The following FER variants were observed in gnomAD, a reference collection of about 807,000 sequenced individuals.
The protein encoded by FER is tyrosine-protein kinase Fer.
In FER, 63 loss-of-function variants were observed where a neutral mutation model predicts 111.0. The ratio of observed to expected loss-of-function variants is 0.57; its 90% CI spans 0.46 to 0.70. The LOEUF (loss-of-function observed/expected upper bound fraction) is 0.70, where lower values mean the gene tolerates loss of function less well. FER is among the 30% of genes least tolerant of loss of function. FER has a pLI of 0.00. For synonymous variants in FER, 327 were observed against 313.9 expected, an observed-to-expected ratio of 1.04 and a Z score of -0.44; for missense variants, 914 against 954.0, an observed-to-expected ratio of 0.96 and a Z score of 0.55.
At chr5:109,125,678 A>C (rs754943763) in intron 17 of FER, among the ~76,000 whole-genome samples, 1 of 152,210 alleles carries the variant, frequency 6.6e-6, no homozygotes, top group African/African-American at 2.4e-5. Flanking sequence ...TAGTAGCAGT[A>C]TTGTTTCTGA....
At chr5:108,835,668 A>T (rs1486728914) in intron 4 of FER, 40 bp from the exon 5 acceptor site, 1 of 1,297,382 alleles carries the variant, frequency 7.7e-7, no homozygotes, top group Non-Finnish European at 1.1e-6. Context: ...ATTTAAATTT[A>T]AACAATTTAA....
In FER at chr5:108,806,045, A is replaced by G. The variant is rs543126168; in HGVS notation, c.207+7656A>G. On this transcript the variant is annotated intron_variant, in intron 3 of 19. Coordinates refer to ENST00000281092, the MANE Select transcript of FER (RefSeq NM_005246.4). ...AGGCCTGGAGGCCTAGGAGGAAAAC[A>G]TGGTATTGTGGGCCAAGCCCAGGGT... Among the ~76,000 whole-genome samples, 45 of 152,274 alleles carry G rather than the reference A, an allele frequency of 3.0e-4. No homozygotes were observed. The South Asian group carries it at 9.1e-3, about 31-fold the overall frequency.
At chr5:108,967,672 A>T (rs1760050027) in intron 13 of FER, among the ~76,000 whole-genome samples, 1 of 148,008 alleles carries the variant, frequency 6.8e-6, no homozygotes, top group African/African-American at 2.5e-5. Flanking sequence ...AGGCAGGAGA[A>T]TCGCTTGAAC....
intron 17 of FER, among the ~76,000 whole-genome samples, chr5:109,158,960 C>T (rs1755702376): frequency 6.6e-6 from 1 of 151,932 alleles, no homozygotes; most frequent in South Asian, 2.1e-4. Context: ...TAAATTCAGT[C>T]ATTAAAAAGA....
chr5:109,058,502 CTT>C (rs929805126), intron 16 of FER, among the ~76,000 whole-genome samples: 3 of 150,056 alleles, frequency 2.0e-5, no homozygotes, highest in Non-Finnish European at 3.0e-5. Flanking sequence ...TTCTACAAAA[CTT>C]AAAATTAATT....
rs571076803 is a variant in FER, at chr5:109,046,537, T to C, written c.1830-567T>C. 2.7e-4 allele frequency among the ~76,000 whole-genome samples: 41 copies of C among 152,240 alleles called. No homozygotes were observed. The South Asian group carries it at 7.7e-3, about 28-fold the overall frequency. On this transcript the variant is annotated intron_variant, in intron 15 of 19. Coordinates refer to ENST00000281092, the MANE Select transcript of FER (RefSeq NM_005246.4). ...GTAGATAATAATTTTTAAAAGAATA[T>C]TAAATTAAGGAGAATTGACTCATTT...
chr5:108,937,693 A>C (rs1034252752), intron 10 of FER, among the ~76,000 whole-genome samples: 3 of 151,820 alleles, frequency 2.0e-5, no homozygotes, highest in Non-Finnish European at 4.4e-5. Flanking sequence ...ATACATGGTC[A>C]ATAGAGTGGA....
chr5:109,043,975 A>C, intron 14 of FER, among the ~76,000 whole-genome samples: 1 of 152,094 alleles, frequency 6.6e-6, no homozygotes, highest in East Asian at 1.9e-4. Context: ...GTCTCAGAAA[A>C]AAAAAGAAAA....
At chr5:108,970,275 G>T (rs1760460328) in intron 13 of FER, among the ~76,000 whole-genome samples, 1 of 151,542 alleles carries the variant, frequency 6.6e-6, no homozygotes, top group Non-Finnish European at 1.5e-5. Context: ...GAGTGCAGTG[G>T]CGCAATCTTG....
In FER at chr5:109,192,154, T is replaced by A. The variant is rs1759428440; in HGVS notation, c.*4579T>A. The A allele has an allele frequency of 2.6e-5, 4 of 152,204 alleles. No individual in the cohort carries two copies. The highest frequency in any genetic ancestry group is 2.6e-4 in the Admixed American group (4 of 15,268). The allele number at this position is 152,204 out of a possible 1,614,324, so 9.4% of individuals were successfully genotyped here. A position where few individuals can be genotyped will look rare whatever the true frequency, so the allele number is the denominator to read the frequency against. On this transcript the variant is annotated 3_prime_UTR_variant, in exon 20 of 20. Coordinates refer to ENST00000281092, the MANE Select transcript of FER (RefSeq NM_005246.4). ...TGCTAGATTCTTAGTCACTTTAAAC[T>A]GCATAGAAGTAATGAGCATAGGCTT...
At chr5:109,010,378 C>T (rs1267584637) in intron 13 of FER, among the ~76,000 whole-genome samples, 1 of 151,558 alleles carries the variant, frequency 6.6e-6, no homozygotes, top group Non-Finnish European at 1.5e-5. Flanking sequence ...AGGATGGTGT[C>T]GATCTCCTGA....
intron 16 of FER, among the ~76,000 whole-genome samples, chr5:109,086,791 A>G (rs1777613038): frequency 6.6e-6 from 1 of 151,048 alleles, no homozygotes; most frequent in Admixed American, 6.6e-5. Flanking sequence ...AGTTTGCTAG[A>G]GCTTCCATAC....
intron 3 of FER, among the ~76,000 whole-genome samples, chr5:108,810,235 A>G (rs1203156309): frequency 1.3e-5 from 2 of 152,012 alleles, no homozygotes; most frequent in African/African-American, 4.8e-5. Context: ...GGCTTTCTTT[A>G]TATATAAGCC....
At chr5:108,835,675 T>C in intron 4 of FER, 33 bp from the exon 5 acceptor site, 8 of 1,346,390 alleles carry the variant, frequency 5.9e-6, no homozygotes, top group Non-Finnish European at 3.1e-6. Flanking sequence ...TTTAAACAAT[T>C]TAATACATTT....
chr5:108,866,239 G>A (rs1418904683), intron 5 of FER, among the ~76,000 whole-genome samples: 1 of 152,158 alleles, frequency 6.6e-6, no homozygotes, highest in East Asian at 1.9e-4. Context: ...TATACACCAT[G>A]GAATACTATG....
intron 8 of FER, among the ~76,000 whole-genome samples, chr5:108,880,793 A>G (rs1161628467): frequency 6.6e-6 from 1 of 152,142 alleles, no homozygotes; most frequent in East Asian, 1.9e-4. Context: ...GATCATTATT[A>G]TAAGTATTAT....
chr5:108,890,860 A>G (rs1747936382), intron 9 of FER, among the ~76,000 whole-genome samples: 1 of 152,092 alleles, frequency 6.6e-6, no homozygotes, highest in African/African-American at 2.4e-5. Flanking sequence ...CCAAACATTT[A>G]TGTATAGGTT....
chr5:109,103,595 T>C (rs187169693), intron 17 of FER, among the ~76,000 whole-genome samples: 54 of 152,334 alleles, frequency 3.5e-4, no homozygotes, highest in African/African-American at 1.2e-3. Context: ...TGAGGATTGC[T>C]GTATAGTTGG....
intron 18 of FER, among the ~76,000 whole-genome samples, chr5:109,183,476 T>A (rs1241911881): frequency 6.6e-6 from 1 of 152,186 alleles, no homozygotes; most frequent in Non-Finnish European, 1.5e-5. Context: ...CTCGAACTCC[T>A]GACCTCTGGT....
Sources: gnomAD v4.1 joint callset for allele counts (sites outside exome capture counted in the v4.1 genomes callset) on GRCh38, gnomAD v4.1.1 for gene constraint, MANE v1.5 for transcripts, NCBI Gene and HGNC (gene_info 2026-07-23, HGNC 2026-07-21) for gene names.